The following EXTL3 variants were observed in gnomAD, a reference collection of about 807,000 sequenced individuals.
The protein encoded by EXTL3 is exostosin-like 3.
A neutral mutation model predicts 69.3 loss-of-function variants in EXTL3; 27 were observed. That is an observed-to-expected ratio of 0.39 (90% CI 0.29 to 0.54). EXTL3 has a LOEUF of 0.54. Among genes scored for constraint, EXTL3 ranks in the 20% least tolerant of loss-of-function variants. The pLI is 0.69. For missense variants in EXTL3, 1,003 were observed against 1,231.8 expected (o/e 0.81, Z 2.78); for synonymous variants, 511 against 499.4 (o/e 1.02, Z -0.31).
intron 1 of EXTL3, among the ~76,000 whole-genome samples, chr8:28,635,953 C>G (rs943187374): frequency 7.9e-5 from 12 of 152,094 alleles, no homozygotes; most frequent in Non-Finnish European, 1.5e-4. Flanking sequence ...CTCCTGAGCT[C>G]AAGCAATTCG....
At position 28,643,859 on chromosome 8, in the gene EXTL3, C is replaced by T. The variant is rs78229383; in HGVS notation, c.-53+21049C>T. On this transcript the variant is annotated intron_variant, in intron 1 of 6. Coordinates refer to the EXTL3 transcript ENST00000523149. ...CAGCTCACTGTAGGTTCAACCTCTCCGGCTTAAGTGAACCTCCCCCCTGAG... is the reference window on the plus strand; with the variant it reads ...CAGCTCACTGTAGGTTCAACCTCTCTGGCTTAAGTGAACCTCCCCCCTGAG... Among the ~76,000 whole-genome samples the T allele has an allele frequency of 1.3e-3, 194 of 152,186 alleles. 3 individuals are homozygous for T. In the East Asian group the frequency reaches 0.031, roughly 25 times the overall value.
intron 1 of EXTL3, among the ~76,000 whole-genome samples, chr8:28,655,964 G>A (rs1449547492): frequency 6.6e-6 from 1 of 152,132 alleles, no homozygotes; most frequent in Non-Finnish European, 1.5e-5. Flanking sequence ...GAAATAATAG[G>A]AGTTAGTTGA....
At chr8:28,712,774 T>TTCAACA (rs1207978897) in intron 1 of EXTL3, among the ~76,000 whole-genome samples, 1 of 152,244 alleles carries the variant, frequency 6.6e-6, no homozygotes, top group Non-Finnish European at 1.5e-5. Flanking sequence ...TGTTGAATTA[T>TTCAACA]TGGTTTCTGT....
Position 28,750,604 on chromosome 8 carries a change from G to T in EXTL3, c.2551-53G>T. On this transcript the variant is annotated intron_variant, in intron 6 of 6. Transcript: ENST00000220562. This position sits in a 1 kb window ranked among gnomAD's most constrained non-coding sequence, Gnocchi z 5.2. ...GTGTGGGATCGGCTCAGCTGCAAGG[G>T]TTCTGTCAGTATTAGCTGGGATTCC... The T allele has an allele frequency of 6.9e-7, 1 of 1,447,358 alleles. No homozygotes were observed. Among genetic ancestry groups the T allele is most frequent in the South Asian group, 1.1e-5 (1 of 87,520 alleles). The allele number at this position is 1,447,358 out of a possible 1,614,324, so 89.7% of individuals were successfully genotyped here.
chr8:28,697,019 A>G (rs896625250), upstream of EXTL3: 3 of 152,168 alleles, frequency 2.0e-5, no homozygotes, highest in African/African-American at 7.2e-5. Context: ...ATTATCTTCC[A>G]TCATGTGTAA....
At chr8:28,721,301 T>C (rs1403047461) in intron 3 of EXTL3, among the ~76,000 whole-genome samples, 1 of 152,212 alleles carries the variant, frequency 6.6e-6, no homozygotes, top group African/African-American at 2.4e-5. Flanking sequence ...GGCTTAGGGG[T>C]GGGCCAGAGA....
intron 1 of EXTL3, among the ~76,000 whole-genome samples, chr8:28,662,978 G>C (rs1441959953): frequency 6.6e-6 from 1 of 152,148 alleles, no homozygotes; most frequent in Non-Finnish European, 1.5e-5. Flanking sequence ...AAAGTAGATA[G>C]AAATGGAAAT....
intron 1 of EXTL3, among the ~76,000 whole-genome samples, chr8:28,662,397 T>G (rs1241268401): frequency 6.6e-6 from 1 of 152,238 alleles, no homozygotes; most frequent in Non-Finnish European, 1.5e-5. Context: ...TTTCTTCTGA[T>G]GAAGTTGTCA....
rs78669865 is a variant in EXTL3 at position 28,640,851 on chromosome 8, C to T, written c.-53+18041C>T. Among the ~76,000 whole-genome samples, 66 of 152,348 alleles carry T rather than the reference C, an allele frequency of 4.3e-4. 2 individuals carry two copies. The East Asian group carries it at 0.011, about 24-fold the overall frequency. The stretch of plus-strand genomic sequence containing the variant: ...TCCTGGGCTCACGTGATCCTCCTGT[C>T]TCAGTCTCCCAAAGTGCTGGGATTA... On this transcript the variant is annotated intron_variant, in intron 1 of 6. Coordinates refer to the EXTL3 transcript ENST00000523149.
chr8:28,755,915 G>A (rs572742274), downstream of EXTL3, among the ~76,000 whole-genome samples: 30 of 152,122 alleles, frequency 2.0e-4, no homozygotes, highest in African/African-American at 5.1e-4. Context: ...TACTGGACCC[G>A]CCTTGGAGCG....
intron 5 of EXTL3, among the ~76,000 whole-genome samples, chr8:28,739,450 C>CTGG (rs2130786651): frequency 6.6e-6 from 1 of 152,250 alleles, no homozygotes; most frequent in African/African-American, 2.4e-5. Context: ...CCTCTGTCTC[C>CTGG]TGGGTAGCTG....
At chr8:28,667,084 T>A (rs1807208967) in intron 1 of EXTL3, among the ~76,000 whole-genome samples, 1 of 152,198 alleles carries the variant, frequency 6.6e-6, no homozygotes, top group African/African-American at 2.4e-5. Context: ...GATGAAAGAC[T>A]CTGGTTGTGC....
At position 28,716,809 on chromosome 8, in the gene EXTL3, G is replaced by A. The variant is rs1349732947; in HGVS notation, c.750G>A (p.Val250=). ...ILVGEMQEPV[V]LRPAELEKQL... ...TGGGAGAGATGCAGGAGCCGGTGGTGCTGCGGCCTGCTGAGCTGGAGAAGC... is the reference window on the plus strand; with the variant it reads ...TGGGAGAGATGCAGGAGCCGGTGGTACTGCGGCCTGCTGAGCTGGAGAAGC... The change falls in exon 3 of 7, where the codon GTG becomes GTA. Residue 250 remains valine (V), a synonymous_variant. Transcript: ENST00000220562. The surrounding 1 kb of genome is among the most constrained non-coding windows in gnomAD (Gnocchi z 7.1). 4 of 1,614,198 alleles carry A rather than the reference G, an allele frequency of 2.5e-6. No individual in the cohort carries two copies. Among genetic ancestry groups the A allele is most frequent in the South Asian group, 1.1e-5 (1 of 91,092 alleles).
intron 1 of EXTL3, among the ~76,000 whole-genome samples, chr8:28,705,708 G>A (rs574147191): frequency 3.3e-5 from 5 of 152,288 alleles, no homozygotes; most frequent in South Asian, 2.1e-4. Flanking sequence ...TTTGAGAAGC[G>A]AAAACCGTTA....
At chr8:28,734,004 G>C (rs1172774493) in intron 4 of EXTL3, among the ~76,000 whole-genome samples, 2 of 151,738 alleles carry the variant, frequency 1.3e-5, no homozygotes, top group African/African-American at 4.8e-5. Flanking sequence ...TTTTAGTAGA[G>C]ACAGGGTTTC....
At chr8:28,619,813 G>A (rs1006587963), upstream of EXTL3, among the ~76,000 whole-genome samples, 5 of 128,182 alleles carry the variant, frequency 3.9e-5, no homozygotes, top group Non-Finnish European at 6.3e-5. Flanking sequence ...GCTGTCATCC[G>A]TATCCGTACA....
chr8:28,627,927 G>T (rs1014556425), intron 1 of EXTL3, among the ~76,000 whole-genome samples: 4 of 152,184 alleles, frequency 2.6e-5, no homozygotes, highest in East Asian at 1.9e-4. Flanking sequence ...CAGAAGCTAG[G>T]GGGAGGAGGA....
chr8:28,718,737 C>T (rs1801224392), intron 3 of EXTL3, among the ~76,000 whole-genome samples: 1 of 152,088 alleles, frequency 6.6e-6, no homozygotes, highest in African/African-American at 2.4e-5. Flanking sequence ...TTTAGGAAGG[C>T]CTGTGTCATT....
chr8:28,652,025 T>TTGTG (rs113760212), intron 1 of EXTL3, among the ~76,000 whole-genome samples: 1 of 151,412 alleles, frequency 6.6e-6, no homozygotes, highest in Admixed American at 6.6e-5. Context: ...TAATATTCCA[T>TTGTG]TGTGTGTGTG....
Sources: gnomAD v4.1 joint callset for allele counts (sites outside exome capture counted in the v4.1 genomes callset) on GRCh38, gnomAD v4.1.1 for gene constraint, Gnocchi (gnomAD v3.1) non-coding constraint, MANE v1.5 for transcripts, NCBI Gene and HGNC (gene_info 2026-07-23, HGNC 2026-07-21) for gene names.